C1GALT1: variants seen among roughly 807,000 people sequenced by gnomAD.
C1GALT1 encodes core 1 synthase, glycoprotein-N-acetylgalactosamine 3-beta-galactosyltransferase 1.
A neutral mutation model predicts 31.0 loss-of-function variants in C1GALT1; 11 were observed. The observed-to-expected ratio is 0.36, with a 90% CI of 0.22 to 0.59. The LOEUF (loss-of-function observed/expected upper bound fraction) is 0.59. Ranked by LOEUF, C1GALT1 falls within the 20% of genes least tolerant of loss-of-function variation. The pLI, the probability that C1GALT1 is intolerant of heterozygous loss-of-function variation, is 0.79. For missense variants in C1GALT1, 424 were observed against 425.2 expected (o/e 1.00, Z 0.03); for synonymous variants, 175 against 143.6 (o/e 1.22, Z -1.56).
At chr7:7,200,848 A>G (rs572589862) in intron 1 of C1GALT1, among the ~76,000 whole-genome samples, 1 of 152,164 alleles carries the variant, frequency 6.6e-6, no homozygotes, top group African/African-American at 2.4e-5. Context: ...CAGCTCCATC[A>G]AGTCATTTAA....
At chr7:7,205,773 C>T (rs1432360776) in intron 1 of C1GALT1, among the ~76,000 whole-genome samples, 4 of 151,912 alleles carry the variant, frequency 2.6e-5, no homozygotes, top group Non-Finnish European at 4.4e-5. Context: ...TTTTTTCATG[C>T]CTTCACTTTC....
At chr7:7,173,714 C>A (rs764327920) in intron 2 of C1GALT1, among the ~76,000 whole-genome samples, 4 of 152,098 alleles carry the variant, frequency 2.6e-5, no homozygotes, top group Non-Finnish European at 5.9e-5. Context: ...CCAGTCTGCG[C>A]AACATGGTGA....
intron 1 of C1GALT1, among the ~76,000 whole-genome samples, chr7:7,220,229 G>A (rs1002890053): frequency 1.3e-5 from 2 of 152,216 alleles, no homozygotes; most frequent in African/African-American, 4.8e-5. Context: ...GCATAGGGTT[G>A]TGGAAAGTTA....
At chr7:7,208,326 G>A (rs529701533) in intron 1 of C1GALT1, among the ~76,000 whole-genome samples, 6 of 152,146 alleles carry the variant, frequency 3.9e-5, no homozygotes, top group Non-Finnish European at 8.8e-5. Flanking sequence ...ATCTTATTGT[G>A]CCTAATTTAC....
At chr7:7,241,008 C>G (rs1456310191) in intron 3 of C1GALT1, among the ~76,000 whole-genome samples, 1 of 151,932 alleles carries the variant, frequency 6.6e-6, no homozygotes, top group Non-Finnish European at 1.5e-5. Flanking sequence ...AAGCAGTTCC[C>G]TTCCCACTCC....
rs1783471420 is a variant in C1GALT1 at position 7,238,496 on chromosome 7, T to C, written c.462T>C (p.Val154=). 1.2e-6 allele frequency: 2 copies of C among 1,614,034 alleles called. No homozygotes were observed. The highest frequency in any genetic ancestry group is 1.7e-6 in the Non-Finnish European group (2 of 1,180,000). Residue 154 remains valine, a synonymous_variant, in exon 3 of 4, where the codon GTT becomes GTC. Transcript: ENST00000436587. The surrounding 1 kb of genome is among the most constrained non-coding windows in gnomAD (Gnocchi z 5.2). ...AAACAATTAAAGCTTTTCAGTATGT[T>C]CATGAACATTATTTAGAAGATGCTG... ...YWKTIKAFQY[V]HEHYLEDADW...
chr7:7,230,932 T>C (rs1394741580), intron 1 of C1GALT1, among the ~76,000 whole-genome samples: 1 of 152,144 alleles, frequency 6.6e-6, no homozygotes, highest in Non-Finnish European at 1.5e-5. Context: ...TTATAGCCAA[T>C]ATTTATTTGG....
intron 1 of C1GALT1, among the ~76,000 whole-genome samples, chr7:7,200,556 G>GA (rs1781490463): frequency 6.6e-6 from 1 of 151,996 alleles, no homozygotes; most frequent in Non-Finnish European, 1.5e-5. Context: ...TCGCTAGATT[G>GA]GGGGGGTTCT....
chr7:7,220,280 A>C (rs1393296538), intron 1 of C1GALT1, among the ~76,000 whole-genome samples: 1 of 152,238 alleles, frequency 6.6e-6, no homozygotes, highest in African/African-American at 2.4e-5. Context: ...TATCCTTTTC[A>C]ATGAATAATT....
At chr7:7,215,283 G>A (rs1040076341) in intron 1 of C1GALT1, among the ~76,000 whole-genome samples, 2 of 152,064 alleles carry the variant, frequency 1.3e-5, no homozygotes, top group African/African-American at 4.8e-5. Context: ...GACATGCAAA[G>A]CACACCAGAT....
chr7:7,198,457 A>G (rs184002879), intron 1 of C1GALT1, among the ~76,000 whole-genome samples: 6 of 152,092 alleles, frequency 3.9e-5, no homozygotes, highest in Non-Finnish European at 7.4e-5. Flanking sequence ...GAGGATTTTC[A>G]CATCCATATT....
chr7:7,218,310 C>A (rs950395647), intron 1 of C1GALT1, among the ~76,000 whole-genome samples: 2 of 152,160 alleles, frequency 1.3e-5, no homozygotes, highest in Non-Finnish European at 2.9e-5. Context: ...GAAAGGTGAA[C>A]TAGAGCTAGA....
chr7:7,211,760 T>G (rs190172718), intron 1 of C1GALT1, among the ~76,000 whole-genome samples: 1 of 152,380 alleles, frequency 6.6e-6, no homozygotes, highest in African/African-American at 2.4e-5. Flanking sequence ...ATTTGCAGGA[T>G]AATTTCCCAC....
chr7:7,236,128 T>G (rs952210820), intron 2 of C1GALT1, among the ~76,000 whole-genome samples: 1 of 152,210 alleles, frequency 6.6e-6, no homozygotes, highest in Admixed American at 6.5e-5. Context: ...TGTTCATACC[T>G]CTATAATAAC....
rs1284109140 is a variant in C1GALT1 at position 7,247,878 on chromosome 7, A to G, written c.*4151A>G. On this transcript the variant is annotated 3_prime_UTR_variant, in exon 4 of 4. Transcript: ENST00000436587. ...TAACTAGGGTTCCCTATGAAATTGAAAGTAAAAGTCTAAGAATAATGCCTG... is the reference window on the plus strand; with the variant it reads ...TAACTAGGGTTCCCTATGAAATTGAGAGTAAAAGTCTAAGAATAATGCCTG... 1 of 152,034 alleles carries G rather than the reference A, an allele frequency of 6.6e-6. No individual in the cohort carries two copies. Among genetic ancestry groups the G allele is most frequent in the African/African-American group, 2.4e-5 (1 of 41,426 alleles). 9.4% of individuals were successfully genotyped at this position (152,034 alleles called of 1,614,324 possible).
intron 1 of C1GALT1, among the ~76,000 whole-genome samples, chr7:7,188,272 AT>A (rs1780907550): frequency 6.6e-6 from 1 of 152,184 alleles, no homozygotes; most frequent in Non-Finnish European, 1.5e-5. Flanking sequence ...CCATTGGTGA[AT>A]AATTTAGGTA....
intron 2 of C1GALT1, among the ~76,000 whole-genome samples, chr7:7,175,041 TG>T (rs1562553993): frequency 6.6e-6 from 1 of 152,208 alleles, no homozygotes; most frequent in Non-Finnish European, 1.5e-5. Flanking sequence ...TTGTGATTTT[TG>T]TGTGTGAGCT....
intron 2 of C1GALT1, among the ~76,000 whole-genome samples, chr7:7,164,453 C>A (rs1780371518): frequency 6.6e-6 from 1 of 152,106 alleles, no homozygotes. Flanking sequence ...GGATACAGCT[C>A]TCCTCTTGCT....
chr7:7,198,346 C>A (rs1280021339), intron 1 of C1GALT1, among the ~76,000 whole-genome samples: 1 of 151,948 alleles, frequency 6.6e-6, no homozygotes, highest in Non-Finnish European at 1.5e-5. Flanking sequence ...TATTGATTTG[C>A]GTATGTTGAA....
Sources: gnomAD v4.1 joint callset for allele counts (sites outside exome capture counted in the v4.1 genomes callset) on GRCh38, gnomAD v4.1.1 for gene constraint, Gnocchi (gnomAD v3.1) non-coding constraint, MANE v1.5 for transcripts, NCBI Gene and HGNC (gene_info 2026-07-23, HGNC 2026-07-21) for gene names.